Variants in VRK2 observed in about 807,000 individuals in gnomAD.
VRK2 encodes serine/threonine-protein kinase VRK2.
Under a neutral mutation model 57.6 loss-of-function variants are expected in VRK2, and 60 were observed. That is an observed-to-expected ratio of 1.04 (90% confidence interval 0.85 to 1.29). VRK2 has a LOEUF of 1.29. Ranked by LOEUF, VRK2 falls within the 50% of genes most tolerant of loss-of-function variation. The pLI is 0.00. For synonymous variants in VRK2, 231 were observed against 199.2 expected, an observed-to-expected ratio of 1.16 and a Z score of -1.35; for missense variants, 705 against 588.1, an observed-to-expected ratio of 1.20 and a Z score of -2.06.
At chr2:57,977,578 A>T (rs558289790) in intron 1 of VRK2, among the ~76,000 whole-genome samples, 1 of 145,290 alleles carries the variant, frequency 6.9e-6, no homozygotes, top group South Asian at 2.1e-4. Context: ...CTGTGTCCTG[A>T]AATTTTACTG....
At chr2:57,969,929 C>A (rs998080527) in intron 1 of VRK2, among the ~76,000 whole-genome samples, 1 of 151,864 alleles carries the variant, frequency 6.6e-6, no homozygotes, top group Non-Finnish European at 1.5e-5. Flanking sequence ...TTCCATTGAC[C>A]CCTTGGTATG....
intron 2 of VRK2, among the ~76,000 whole-genome samples, chr2:58,067,254 T>G (rs1251876729): frequency 1.3e-5 from 2 of 152,198 alleles, no homozygotes; most frequent in African/African-American, 4.8e-5. Flanking sequence ...GGACTCAGAC[T>G]GGCTTTGTTG....
chr2:58,131,777 T>C, intron 8 of VRK2, 31 bp from the exon 9 acceptor site: 1 of 1,563,340 alleles, frequency 6.4e-7, no homozygotes, highest in South Asian at 1.2e-5. Context: ...TGCTTATCCC[T>C]TATCTTTCTC....
At chr2:58,020,774 T>C (rs1673730950) in intron 1 of VRK2, among the ~76,000 whole-genome samples, 1 of 152,188 alleles carries the variant, frequency 6.6e-6, no homozygotes, top group Admixed American at 6.5e-5. Context: ...TCTAAAATAA[T>C]AAAGTAAAAT....
intron 1 of VRK2, among the ~76,000 whole-genome samples, chr2:57,946,984 T>A (rs958387012): frequency 1.3e-5 from 2 of 152,214 alleles, no homozygotes; most frequent in East Asian, 1.9e-4. Flanking sequence ...CCAAAAAAAA[T>A]TTTTTGTCCA....
At chr2:57,971,479 G>C (rs576749028) in intron 1 of VRK2, among the ~76,000 whole-genome samples, 1 of 151,978 alleles carries the variant, frequency 6.6e-6, no homozygotes, top group South Asian at 2.1e-4. Flanking sequence ...CACCAGTCAA[G>C]GATCAACCCA....
chr2:58,140,333 A>G (rs1171973114), intron 11 of VRK2, among the ~76,000 whole-genome samples: 1 of 151,862 alleles, frequency 6.6e-6, no homozygotes, highest in East Asian at 1.9e-4. Flanking sequence ...TAAAAGTTAC[A>G]CCTCTTCTTT....
intron 2 of VRK2, among the ~76,000 whole-genome samples, chr2:58,081,130 T>C (rs544861555): frequency 2.6e-5 from 4 of 152,170 alleles, no homozygotes; most frequent in African/African-American, 9.6e-5. Flanking sequence ...TGTTTTGGTC[T>C]GGTTAATTAC....
At chr2:58,075,600 C>G (rs1417296048) in intron 2 of VRK2, among the ~76,000 whole-genome samples, 2 of 152,034 alleles carry the variant, frequency 1.3e-5, no homozygotes, top group Non-Finnish European at 2.9e-5. Flanking sequence ...AAGATGGTAT[C>G]TTGTGTTTTT....
intron 1 of VRK2, among the ~76,000 whole-genome samples, chr2:58,015,183 A>G (rs1449191775): frequency 6.6e-6 from 1 of 152,214 alleles, no homozygotes; most frequent in East Asian, 1.9e-4. Context: ...TTGTGTGGCT[A>G]CATCAGAGAT....
At chr2:58,070,391 A>G (rs1423341358) in intron 2 of VRK2, among the ~76,000 whole-genome samples, 1 of 152,110 alleles carries the variant, frequency 6.6e-6, no homozygotes, top group African/African-American at 2.4e-5. Context: ...TATGCATAAT[A>G]TCATGTGTCC....
chr2:58,151,472 G>C (rs957671529), intron 12 of VRK2, among the ~76,000 whole-genome samples: 1 of 151,092 alleles, frequency 6.6e-6, no homozygotes, highest in South Asian at 2.1e-4. Context: ...TTTATCTGTG[G>C]CTTTTGTAAC....
At chr2:57,963,593 T>G (rs997337904) in intron 1 of VRK2, among the ~76,000 whole-genome samples, 3 of 152,220 alleles carry the variant, frequency 2.0e-5, no homozygotes, top group African/African-American at 7.2e-5. Context: ...AATAAAAGAC[T>G]AATATACTAA....
At chr2:57,987,539 T>G (rs1357651303) in intron 1 of VRK2, among the ~76,000 whole-genome samples, 1 of 152,194 alleles carries the variant, frequency 6.6e-6, no homozygotes. Context: ...TCTAGAATCC[T>G]CATACATTAT....
chr2:58,030,851 G>A (rs563867113), intron 2 of VRK2, among the ~76,000 whole-genome samples: 8 of 152,046 alleles, frequency 5.3e-5, no homozygotes, highest in Non-Finnish European at 7.4e-5. Context: ...AACTTCTGTC[G>A]TGTTCTTTGG....
chr2:57,991,210 T>C (rs1016645632), intron 1 of VRK2, among the ~76,000 whole-genome samples: 1 of 152,318 alleles, frequency 6.6e-6, no homozygotes, highest in South Asian at 2.1e-4. Flanking sequence ...CCACCATCAG[T>C]ACCTTTACTT....
chr2:58,084,270 GT>G, intron 3 of VRK2, 132 bp downstream of exon 3: 1 of 933,276 alleles, frequency 1.1e-6, no homozygotes, highest in Non-Finnish European at 1.5e-6. Context: ...CTGTTTTGAC[GT>G]TGTTAAAACA....
chr2:58,014,938 CT>C (rs1339319793), intron 1 of VRK2, among the ~76,000 whole-genome samples: 1 of 152,050 alleles, frequency 6.6e-6, no homozygotes, highest in Non-Finnish European at 1.5e-5. Flanking sequence ...TTAGGTTCTG[CT>C]AACACCTTGA....
At chr2:57,942,758 G>C (rs747428889) in intron 1 of VRK2, among the ~76,000 whole-genome samples, 1 of 152,108 alleles carries the variant, frequency 6.6e-6, no homozygotes, top group Non-Finnish European at 1.5e-5. Context: ...TCAAATCAAA[G>C]GTTCAAATTT....
Sources: allele counts gnomAD v4.1 joint callset (sites outside exome capture counted in the v4.1 genomes callset), GRCh38; gene constraint gnomAD v4.1.1; transcripts MANE v1.5; gene names NCBI Gene and HGNC (gene_info 2026-07-23, HGNC 2026-07-21).